The following KCNN3 variants were observed in gnomAD, a reference collection of about 807,000 sequenced individuals.
KCNN3 encodes potassium calcium-activated channel subfamily N member 3.
KCNN3 carries 16 observed loss-of-function variants against 62.9 expected under a neutral mutation model. The observed-to-expected ratio is 0.25, with a 90% CI of 0.17 to 0.39. The LOEUF (loss-of-function observed/expected upper bound fraction) is 0.39. KCNN3 is among the 10% of genes least tolerant of loss of function. The pLI, the probability that KCNN3 is intolerant of heterozygous loss-of-function variation, is 1.00. For missense variants in KCNN3, 599 were observed against 949.4 expected (o/e 0.63, Z 4.85); for synonymous variants, 370 against 389.2 (o/e 0.95, Z 0.58).
intron 1 of KCNN3, among the ~76,000 whole-genome samples, chr1:154,826,326 T>C (rs1651130344): frequency 6.6e-6 from 1 of 152,212 alleles, no homozygotes; most frequent in South Asian, 2.1e-4. Context: ...CCTTCACAGA[T>C]CTGTGATTTC....
At chr1:154,865,239 G>A (rs558248092) in intron 1 of KCNN3, among the ~76,000 whole-genome samples, 1 of 152,264 alleles carries the variant, frequency 6.6e-6, no homozygotes, top group East Asian at 1.9e-4. Flanking sequence ...GGTCCTTGCT[G>A]GTCTACCCAG....
intron 2 of KCNN3, among the ~76,000 whole-genome samples, chr1:154,798,325 G>A (rs1240470457): frequency 2.0e-5 from 3 of 152,200 alleles, no homozygotes; most frequent in African/African-American, 4.8e-5. Flanking sequence ...TGCTTGCCTG[G>A]TCCTCTCCAT....
chr1:154,766,289 CTT>C (rs1557964682), intron 3 of KCNN3, among the ~76,000 whole-genome samples: 2 of 151,376 alleles, frequency 1.3e-5, no homozygotes, highest in African/African-American at 4.9e-5. Context: ...GGTTTGCAAA[CTT>C]TTAAAATCAT....
chr1:154,769,207 A>G (rs978716791), intron 3 of KCNN3, among the ~76,000 whole-genome samples: 2 of 152,124 alleles, frequency 1.3e-5, no homozygotes, highest in African/African-American at 4.8e-5. Context: ...CCTCTCTCAT[A>G]GATCTATTGT....
intron 3 of KCNN3, among the ~76,000 whole-genome samples, chr1:154,766,448 A>ATATATAT (rs1553232017): frequency 1.3e-4 from 17 of 128,904 alleles, no homozygotes; most frequent in East Asian, 2.2e-4. Flanking sequence ...ATATATGTAG[A>ATATATAT]AGTTCTGATC....
At chr1:154,758,733 G>A (rs1386825246) in intron 3 of KCNN3, among the ~76,000 whole-genome samples, 1 of 152,176 alleles carries the variant, frequency 6.6e-6, no homozygotes, top group Non-Finnish European at 1.5e-5. Flanking sequence ...AGCCTCTGGG[G>A]GACTGGGGCC....
intron 1 of KCNN3, among the ~76,000 whole-genome samples, chr1:154,837,497 A>G (rs768888904): frequency 6.6e-6 from 1 of 151,382 alleles, no homozygotes; most frequent in Non-Finnish European, 1.5e-5. Context: ...AACCCAGCCA[A>G]CTCCTCCTCC....
intron 1 of KCNN3, among the ~76,000 whole-genome samples, chr1:154,829,524 G>A (rs1651292047): frequency 6.6e-6 from 1 of 152,170 alleles, no homozygotes; most frequent in South Asian, 2.1e-4. Flanking sequence ...CAACCCCACA[G>A]CCAGGGGATG....
At chr1:154,811,357 G>A (rs927059871) in intron 2 of KCNN3, among the ~76,000 whole-genome samples, 1 of 152,044 alleles carries the variant, frequency 6.6e-6, no homozygotes, top group Non-Finnish European at 1.5e-5. Flanking sequence ...CAATAATAAG[G>A]ATACAAATAT....
In KCNN3 at chr1:154,706,293, A is replaced by G. The variant is rs1376824832; in HGVS notation, c.*1683T>C. 6.6e-6 allele frequency: 1 copy of G among 152,236 alleles called. No homozygotes were observed. The highest frequency in any genetic ancestry group is 1.5e-5 in the Non-Finnish European group (1 of 68,036). 9.4% of individuals were successfully genotyped at this position (152,236 alleles called of 1,614,324 possible). On this transcript the variant is annotated 3_prime_UTR_variant, in exon 8 of 8. Transcript: ENST00000271915. ...TCCATGCCAAGCCACTGCCTTCAGA[A>G]TGGTGATGATGTCTTCTTACAAAGG...
chr1:154,775,969 G>C (rs185653412), intron 2 of KCNN3, among the ~76,000 whole-genome samples: 1 of 151,992 alleles, frequency 6.6e-6, no homozygotes, highest in Non-Finnish European at 1.5e-5. Context: ...TGGAAGCAAC[G>C]AGTAACAGAT....
In KCNN3 at chr1:154,869,704, C is replaced by T. The variant is rs758285173; in HGVS notation, c.261G>A (p.Gln87=). 3 of 1,563,146 alleles carry T rather than the reference C, an allele frequency of 1.9e-6. No individual in the cohort carries two copies. In the African/African-American group the frequency reaches 4.2e-5, roughly 22 times the overall value. The part of the protein sequence containing the change: ...QQQQPPHPLS[Q]LAQLQSQPVH... ...CGGGCTGGCTCTGGAGTTGGGCGAG[C>T]TGAGACAGGGGATGCGGTGGCTGCT... The change falls in exon 1 of 8, where the codon CAG becomes CAA. Residue 87 remains glutamine (Q), a synonymous_variant. Coordinates refer to ENST00000271915, the MANE Select transcript of KCNN3 (RefSeq NM_002249.6). The surrounding 1 kb of genome is among the most constrained non-coding windows in gnomAD (Gnocchi z 6.1).
chr1:154,812,307 G>A (rs1033050737), intron 2 of KCNN3, among the ~76,000 whole-genome samples: 9 of 151,524 alleles, frequency 5.9e-5, no homozygotes, highest in African/African-American at 9.7e-5. Flanking sequence ...TGTGCACAAC[G>A]TGCAGGTTTG....
intron 2 of KCNN3, among the ~76,000 whole-genome samples, chr1:154,781,408 T>C (rs572529066): frequency 6.6e-6 from 1 of 152,226 alleles, no homozygotes; most frequent in African/African-American, 2.4e-5. Flanking sequence ...GTTTTCCATT[T>C]TCTCTGGGCT....
intron 3 of KCNN3, among the ~76,000 whole-genome samples, chr1:154,767,232 C>T (rs1648337127): frequency 6.6e-6 from 1 of 152,104 alleles, no homozygotes; most frequent in Non-Finnish European, 1.5e-5. Flanking sequence ...CTTTAGGAGC[C>T]AGATCTCCAG....
chr1:154,858,234 G>A (rs1320972531), intron 1 of KCNN3, among the ~76,000 whole-genome samples: 2 of 152,034 alleles, frequency 1.3e-5, no homozygotes, highest in Non-Finnish European at 2.9e-5. Flanking sequence ...GGAACCATGG[G>A]CCCAGCTGTG....
At chr1:154,866,862 G>A (rs1652974825) in intron 1 of KCNN3, among the ~76,000 whole-genome samples, 1 of 152,180 alleles carries the variant, frequency 6.6e-6, no homozygotes, top group Non-Finnish European at 1.5e-5. Flanking sequence ...GCATCTCTGG[G>A]AAAGCCCCTT....
chr1:154,834,310 G>A (rs1208804345), intron 1 of KCNN3, among the ~76,000 whole-genome samples: 7 of 152,198 alleles, frequency 4.6e-5, no homozygotes, highest in African/African-American at 7.2e-5. Context: ...ACACACCAAC[G>A]TGGGCCACCA....
chr1:154,738,710 C>T (rs1415516326), intron 3 of KCNN3, among the ~76,000 whole-genome samples: 1 of 152,190 alleles, frequency 6.6e-6, no homozygotes, highest in Non-Finnish European at 1.5e-5. Flanking sequence ...GCCTGAACAT[C>T]CTGAAAAGAG....
Sources: allele counts gnomAD v4.1 joint callset (sites outside exome capture counted in the v4.1 genomes callset), GRCh38; gene constraint gnomAD v4.1.1; non-coding constraint Gnocchi (gnomAD v3.1); transcripts MANE v1.5; gene names NCBI Gene and HGNC (gene_info 2026-07-23, HGNC 2026-07-21).